The following SLC22A9 variants were observed in gnomAD, a reference collection of about 807,000 sequenced individuals.
SLC22A9 encodes the protein solute carrier family 22 member 9.
In SLC22A9, 64 loss-of-function variants were observed where a neutral mutation model predicts 50.1. The ratio of observed to expected loss-of-function variants is 1.28; its 90% CI spans 1.04 to 1.57. SLC22A9 has a LOEUF of 1.57. Ranked by LOEUF, SLC22A9 falls within the 40% of genes most tolerant of loss-of-function variation. The pLI is 0.00. For missense variants in SLC22A9, 757 were observed against 676.1 expected, an observed-to-expected ratio of 1.12 and a Z score of -1.33; for synonymous variants, 261 against 242.5, an observed-to-expected ratio of 1.08 and a Z score of -0.71.
At chr11:63,375,128 A>T (rs933706781) in intron 4 of SLC22A9, among the ~76,000 whole-genome samples, 4 of 152,194 alleles carry the variant, frequency 2.6e-5, no homozygotes, top group African/African-American at 9.6e-5. Context: ...CCTACAAGGT[A>T]ATATTCTCTC....
At position 63,375,580 on chromosome 11, in the gene SLC22A9, A is replaced by G. The variant is rs898642263; in HGVS notation, c.831-65A>G. 127 of 1,573,384 alleles carry G rather than the reference A, an allele frequency of 8.1e-5. 2 individuals carry two copies. In the African/African-American group the frequency reaches 1.4e-3, roughly 18 times the overall value. On this transcript the variant is annotated intron_variant, in intron 4 of 9. Coordinates refer to ENST00000279178, the MANE Select transcript of SLC22A9 (RefSeq NM_080866.3). ...GCTTGGAGGGAGAAGACATCTTAAG[A>G]AAAAACTAATGTAAGAAATGAGGAA...
rs138628814 is a variant in SLC22A9 at position 63,386,019 on chromosome 11, T to A, written c.1073+3742T>A. Among the ~76,000 whole-genome samples, 5 of 152,292 alleles carry A rather than the reference T, an allele frequency of 3.3e-5. No individual in the cohort carries two copies. In the South Asian group the frequency reaches 8.3e-4, roughly 25 times the overall value. ...TAACATGAAGGATGTTGAATTTTAT[T>A]GAAGGCCTTTTCTGTGTCTATTGAG... is the stretch of plus-strand genomic sequence containing the variant. On this transcript the variant is annotated intron_variant, in intron 6 of 9. Transcript: ENST00000279178.
intron 6 of SLC22A9, among the ~76,000 whole-genome samples, chr11:63,402,264 A>T: frequency 6.6e-6 from 1 of 151,978 alleles, no homozygotes; most frequent in South Asian, 2.1e-4. Context: ...CAAGCCTTTC[A>T]TCCATCTTGG....
Position 63,382,226 on chromosome 11 carries a change from T to C in SLC22A9, c.1022T>C (p.Met341Thr). Residue 341 changes from methionine (M) to threonine (T), a missense_variant, in exon 6 of 10, where the codon ATG (methionine) becomes ACG (threonine). Met to Thr is a moderately conservative substitution (Grantham distance 81). Transcript: ENST00000279178. ...AAAAAAAAACCTTCTCTGTGTGAAA[T>C]GCTCCACATGCCCAACATATGTAAA... ...AQKKKPSLCE[M>T]LHMPNICKRI... The C allele has an allele frequency of 6.2e-7, 1 of 1,608,990 alleles. No homozygotes were observed. The highest frequency in any genetic ancestry group is 8.5e-7 in the Non-Finnish European group (1 of 1,178,462).
At chr11:63,391,448 T>C (rs1328437708) in intron 6 of SLC22A9, among the ~76,000 whole-genome samples, 2 of 152,116 alleles carry the variant, frequency 1.3e-5, no homozygotes, top group African/African-American at 4.8e-5. Flanking sequence ...TATAATTGTA[T>C]TGGGGTATAT....
intron 6 of SLC22A9, among the ~76,000 whole-genome samples, chr11:63,386,236 A>G (rs1276499375): frequency 6.6e-6 from 1 of 152,086 alleles, no homozygotes; most frequent in Non-Finnish European, 1.5e-5. Context: ...CATCAAGGAT[A>G]TAGGCCTGAA....
chr11:63,382,565 C>T (rs111739037), intron 6 of SLC22A9, among the ~76,000 whole-genome samples: 5,164 of 152,176 alleles, frequency 0.034, 122 homozygotes, highest in Non-Finnish European at 0.056. Flanking sequence ...AGTTTCTTAA[C>T]GTGTTTGTTT....
chr11:63,386,990 T>C (rs1173460504), intron 6 of SLC22A9, among the ~76,000 whole-genome samples: 1 of 152,056 alleles, frequency 6.6e-6, no homozygotes, highest in African/African-American at 2.4e-5. Flanking sequence ...GATGTTAGGG[T>C]GTTGATTTGA....
chr11:63,374,891 T>C (rs2014433570), intron 4 of SLC22A9, among the ~76,000 whole-genome samples: 1 of 152,164 alleles, frequency 6.6e-6, no homozygotes, highest in African/African-American at 2.4e-5. Flanking sequence ...AATGGATAAT[T>C]TACCTCATTT....
intron 6 of SLC22A9, among the ~76,000 whole-genome samples, chr11:63,385,063 A>T (rs111672150): frequency 4.8e-5 from 7 of 144,660 alleles, no homozygotes; most frequent in Admixed American, 7.0e-5. Flanking sequence ...GGATGCAAAA[A>T]TTTTTCCCAC....
At chr11:63,394,256 G>A (rs118113147) in intron 6 of SLC22A9, among the ~76,000 whole-genome samples, 1 of 151,820 alleles carries the variant, frequency 6.6e-6, no homozygotes, top group East Asian at 1.9e-4. Flanking sequence ...CATGCTATTT[G>A]TCACATTTAT....
chr11:63,407,239 A>G (rs572830582), intron 7 of SLC22A9, among the ~76,000 whole-genome samples: 79 of 152,288 alleles, frequency 5.2e-4, no homozygotes, highest in Non-Finnish European at 9.1e-4. Flanking sequence ...AAAGTGCCCC[A>G]TCTTTATGTA....
chr11:63,370,598 T>G, intron 1 of SLC22A9, 140 bp downstream of exon 1: 4 of 999,196 alleles, frequency 4.0e-6, no homozygotes, highest in Non-Finnish European at 5.6e-6. Context: ...GCTTCTTTAT[T>G]AAATGTCTGA....
chr11:63,387,588 T>C (rs1314636806), intron 6 of SLC22A9, among the ~76,000 whole-genome samples: 2 of 152,172 alleles, frequency 1.3e-5, no homozygotes, highest in African/African-American at 2.4e-5. Context: ...CGTAATGTGG[T>C]TCCTCCAGTT....
chr11:63,410,282 A>AAAGAAAGAAAGAAAGAAAGAAAG lies in SLC22A9; in HGVS notation c.*422_*423insGAAAGAAAGAAAGAAAGAAAGAA, dbSNP rs368353029. 6.7e-6 allele frequency: 1 copy of AAAGAAAGAAAGAAAGAAAGAAAG among 149,990 alleles called. No individual in the cohort carries two copies. The highest frequency in any genetic ancestry group is 2.5e-5 in the African/African-American group (1 of 39,934). 9.3% of individuals were successfully genotyped at this position (149,990 alleles called of 1,614,324 possible). A position where few individuals can be genotyped will look rare whatever the true frequency, so the allele number is the denominator to read the frequency against. The stretch of plus-strand genomic sequence containing the variant: ...AAAAGAAAGAAGGAAAGAAAGAAAG[A>AAAGAAAGAAAGAAAGAAAGAAAG]AAAGAAAAGAAATAACAAGATATAG... On this transcript the variant is annotated 3_prime_UTR_variant, in exon 10 of 10. Transcript: ENST00000279178.
In SLC22A9 at chr11:63,373,655, G is replaced by A. The variant is rs752070710; in HGVS notation, c.518G>A (p.Arg173Lys). The change falls in exon 3 of 10, where the codon AGG becomes AAG. Residue 173 changes from arginine to lysine, a missense_variant. Transcript: ENST00000279178. ...TTTCTGTTTCTCAGGTTTGGGAGAA[G>A]GTTCGTGCTCAGATGGTGTTACCTC... is the stretch of plus-strand genomic sequence containing the variant. Reference protein sequence around the residue: ...GGHLSDRFGRRFVLRWCYLQV... With the variant: ...GGHLSDRFGRKFVLRWCYLQV... 2 of 1,560,004 alleles carry A rather than the reference G, an allele frequency of 1.3e-6. No individual in the cohort carries two copies. The highest frequency in any genetic ancestry group is 2.3e-5 in the East Asian group (1 of 43,988).
At chr11:63,402,771 C>G (rs1281730482) in intron 6 of SLC22A9, among the ~76,000 whole-genome samples, 1 of 152,048 alleles carries the variant, frequency 6.6e-6, no homozygotes, top group Non-Finnish European at 1.5e-5. Context: ...AAATCTTGCA[C>G]TTCTAGCCAT....
intron 6 of SLC22A9, among the ~76,000 whole-genome samples, chr11:63,397,955 G>C (rs2014888747): frequency 6.6e-6 from 1 of 152,068 alleles, no homozygotes; most frequent in African/African-American, 2.4e-5. Flanking sequence ...TAGAAGGAGT[G>C]TCTCCCCTTA....
intron 6 of SLC22A9, among the ~76,000 whole-genome samples, chr11:63,399,395 G>T (rs1339365005): frequency 6.6e-6 from 1 of 152,116 alleles, no homozygotes; most frequent in Non-Finnish European, 1.5e-5. Context: ...AAGAGCAGGA[G>T]CTGCTATGGT....
Sources: gnomAD v4.1 joint callset for allele counts (sites outside exome capture counted in the v4.1 genomes callset) on GRCh38, gnomAD v4.1.1 for gene constraint, MANE v1.5 for transcripts, NCBI Gene and HGNC (gene_info 2026-07-23, HGNC 2026-07-21) for gene names.